Variants in SPATA2 observed in about 807,000 individuals in gnomAD.
SPATA2 encodes the protein spermatogenesis-associated protein 2.
SPATA2 carries 8 observed loss-of-function variants against 35.4 expected under a neutral mutation model. That is an observed-to-expected ratio of 0.23 (90% confidence interval 0.13 to 0.41). SPATA2 has a LOEUF of 0.41. Among genes scored for constraint, SPATA2 ranks in the 10% least tolerant of loss-of-function variants. The pLI is 1.00. For synonymous variants in SPATA2, 293 were observed against 300.9 expected (o/e 0.97, Z 0.27); for missense variants, 650 against 698.7 (o/e 0.93, Z 0.79).
rs1388123003 is a variant in SPATA2, at chr20:49,906,312, C to A, written c.870G>T (p.Glu290Asp). 1.3e-6 allele frequency: 2 copies of A among 1,597,742 alleles called. No individual in the cohort carries two copies. Among genetic ancestry groups the A allele is most frequent in the South Asian group, 1.1e-5 (1 of 88,458 alleles). ...GCAGCGAAGGGGATGGGCGGATGAT[C>A]TCATCCTTGAGGTCGTCCCCCACAT... ...ATDVGDDLKDEIIRPSPSLLT... is the reference protein window; with the variant it reads ...ATDVGDDLKDDIIRPSPSLLT... The change falls in exon 3 of 3, where the codon GAG (glutamate) becomes GAT (aspartate). Residue 290 changes from glutamate (E) to aspartate (D), a missense_variant. Transcript: ENST00000289431. This position sits in a 1 kb window ranked among gnomAD's most constrained non-coding sequence, Gnocchi z 8.2.
chr20:49,906,230 T>C lies in SPATA2; in HGVS notation c.952A>G (p.Ser318Gly). Residue 318 changes from serine (S) to glycine (G), a missense_variant, in exon 3 of 3, where the codon AGC becomes GGC. Coordinates refer to ENST00000289431, the MANE Select transcript of SPATA2 (RefSeq NM_006038.4). This position sits in a 1 kb window ranked among gnomAD's most constrained non-coding sequence, Gnocchi z 8.2. ...CCGCGCAGCAGGGCCGGGCCGTTGCTGGGGGAGGCGGGTGGAAGCACATCC... is the reference window on the plus strand; with the variant it reads ...CCGCGCAGCAGGGCCGGGCCGTTGCCGGGGGAGGCGGGTGGAAGCACATCC... ...SPDVLPPASPSNGPALLRGTY... is the reference protein window; with the variant it reads ...SPDVLPPASPGNGPALLRGTY... The C allele has an allele frequency of 6.4e-7, 1 of 1,568,756 alleles. No individual in the cohort carries two copies. Among genetic ancestry groups the C allele is most frequent in the Non-Finnish European group, 8.7e-7 (1 of 1,155,834 alleles).
rs539274691 is a variant in SPATA2, at chr20:49,904,757, G to A, written c.*862C>T. 11 of 152,732 alleles carry A rather than the reference G, an allele frequency of 7.2e-5. No individual in the cohort carries two copies. Among genetic ancestry groups the A allele is most frequent in the Middle Eastern group, 3.4e-3 (1 of 294 alleles). 9.5% of individuals were successfully genotyped at this position (152,732 alleles called of 1,614,324 possible). ...CGAATGGGCGCGAGGCCCTCCCTTG[G>A]AAGACTAAAGAACCCAGGGCATTTA... On this transcript the variant is annotated 3_prime_UTR_variant, in exon 3 of 3. Transcript: ENST00000289431.
intron 1 of SPATA2, chr20:49,913,728 T>G (rs762207148): frequency 1.3e-5 from 2 of 152,188 alleles, no homozygotes; most frequent in Non-Finnish European, 2.9e-5. Context: ...AATCTCTATA[T>G]GATGTAAGCT....
rs1196994656 is a variant in SPATA2, at chr20:49,903,860, C to T, written c.*1759G>A. On this transcript the variant is annotated 3_prime_UTR_variant, in exon 3 of 3. Transcript: ENST00000289431. ...AGTAATAAAGTTGGTTGAAATTCAG[C>T]TTAATATACACACTGTACATCTACA... 3 of 140,334 alleles carry T rather than the reference C, an allele frequency of 2.1e-5. No individual in the cohort carries two copies. The highest frequency in any genetic ancestry group is 8.2e-5 in the African/African-American group (3 of 36,712). The allele number at this position is 140,334 out of a possible 1,614,324, so 8.7% of individuals were successfully genotyped here.
chr20:49,914,392 G>A (rs1270444406), intron 1 of SPATA2, among the ~76,000 whole-genome samples: 1 of 152,054 alleles, frequency 6.6e-6, no homozygotes, highest in Non-Finnish European at 1.5e-5. Context: ...TGCACAGGCA[G>A]ACCTATTTTG....
chr20:49,905,958 G>A lies in SPATA2; in HGVS notation c.1224C>T (p.Ser408=). The change falls in exon 3 of 3, where the codon TCC becomes TCT. Residue 408 remains serine (S), a synonymous_variant. Transcript: ENST00000289431. ...CCTTGCTGGGGAAGGCGCTGGGCTT[G>A]GAAGCTGGAGGACAGGTGAGCAGGC... ...CDSLLTCPPA[S]KPSAFPSKAS... 1 of 1,609,450 alleles carries A rather than the reference G, an allele frequency of 6.2e-7. No individual in the cohort carries two copies. The highest frequency in any genetic ancestry group is 8.5e-7 in the Non-Finnish European group (1 of 1,179,876).
chr20:49,906,304 C>G lies in SPATA2; in HGVS notation c.878G>C (p.Arg293Pro). The change falls in exon 3 of 3, where the codon CGC becomes CCC. Residue 293 changes from arginine (R) to proline (P), a missense_variant. By Grantham distance (103) the Arg-to-Pro change is moderately radical. Coordinates refer to ENST00000289431, the MANE Select transcript of SPATA2 (RefSeq NM_006038.4). The surrounding 1 kb of genome is among the most constrained non-coding windows in gnomAD (Gnocchi z 8.2). ...VGDDLKDEII[R>P]PSPSLLTMAS... ...CATGGTCAGCAGCGAAGGGGATGGG[C>G]GGATGATCTCATCCTTGAGGTCGTC... is the stretch of plus-strand genomic sequence containing the variant. 1 of 1,590,356 alleles carries G rather than the reference C, an allele frequency of 6.3e-7. No homozygotes were observed. Among genetic ancestry groups the G allele is most frequent in the Non-Finnish European group, 8.6e-7 (1 of 1,167,052 alleles).
Position 49,905,424 on chromosome 20 carries a change from A to G in SPATA2, c.*195T>C, listed in dbSNP as rs1348376632. ...GTGCCACCTTCTCCCTTGTCAGACAACAAAGCAGCCATTGGTTGAGATATC... is the reference window on the plus strand; with the variant it reads ...GTGCCACCTTCTCCCTTGTCAGACAGCAAAGCAGCCATTGGTTGAGATATC... On this transcript the variant is annotated 3_prime_UTR_variant, in exon 3 of 3. Coordinates refer to ENST00000289431, the MANE Select transcript of SPATA2 (RefSeq NM_006038.4). 2.2e-5 allele frequency: 13 copies of G among 603,262 alleles called. No individual in the cohort carries two copies. In the African/African-American group the frequency reaches 2.2e-4, roughly 10 times the overall value. The allele number at this position is 603,262 out of a possible 1,614,324, so 37.4% of individuals were successfully genotyped here.
At chr20:49,911,700 G>A (rs6067267) in intron 1 of SPATA2, among the ~76,000 whole-genome samples, 63,994 of 151,660 alleles carry the variant, frequency 0.42, 15,547 homozygotes, top group East Asian at 0.79. Flanking sequence ...AAAGAAAAGA[G>A]AAAAAGAGAA....
chr20:49,907,654 G>A (rs1406435774), intron 2 of SPATA2, among the ~76,000 whole-genome samples: 3 of 151,546 alleles, frequency 2.0e-5, no homozygotes, highest in African/African-American at 7.2e-5. Flanking sequence ...GCTCTCCTGT[G>A]CCATCCCCCG....
At chr20:49,914,795 C>A (rs972930849) in intron 1 of SPATA2, among the ~76,000 whole-genome samples, 17 of 152,180 alleles carry the variant, frequency 1.1e-4, no homozygotes, top group African/African-American at 3.6e-4. Context: ...CCTCGGGGGG[C>A]CACGTCAGTT....
At position 49,906,157 on chromosome 20, in the gene SPATA2, TCA is replaced by T. The variant is rs780665985; in HGVS notation, c.1023_1024del (p.Glu342ThrfsTer57). 6.2e-7 allele frequency: 1 copy of T among 1,605,954 alleles called. No homozygotes were observed. The highest frequency in any genetic ancestry group is 8.5e-7 in the Non-Finnish European group (1 of 1,175,620). On this transcript the variant is annotated frameshift_variant, in exon 3 of 3. Coordinates refer to ENST00000289431, the MANE Select transcript of SPATA2 (RefSeq NM_006038.4). LOFTEE classifies it high-confidence loss of function. The surrounding 1 kb of genome is among the most constrained non-coding windows in gnomAD (Gnocchi z 8.2). ...CTGCCGACGGTAGGTGGCCCTGGGT[TCA>T]GAGTCTGTGTACAGATCCACGTCAT...
At position 49,905,527 on chromosome 20, in the gene SPATA2, C is replaced by T. The variant is rs1008343064; in HGVS notation, c.*92G>A. On this transcript the variant is annotated 3_prime_UTR_variant, in exon 3 of 3. Coordinates refer to ENST00000289431, the MANE Select transcript of SPATA2 (RefSeq NM_006038.4). ...ACCTACATGGTCAAGTGCAGGCCTC[C>T]GCCTCTGAGATCAATGCGTTAGTAC... 1.5e-5 allele frequency: 22 copies of T among 1,443,712 alleles called. No individual in the cohort carries two copies. Among genetic ancestry groups the T allele is most frequent in the South Asian group, 7.9e-5 (6 of 76,140 alleles). 89.4% of individuals were successfully genotyped at this position (1,443,712 alleles called of 1,614,324 possible).
chr20:49,915,023 TACA>T (rs1220146505), intron 1 of SPATA2, among the ~76,000 whole-genome samples: 3 of 152,094 alleles, frequency 2.0e-5, no homozygotes, highest in African/African-American at 7.2e-5. Flanking sequence ...ACACAGTGAG[TACA>T]AACCCAGGTG....
rs561862494 is a variant in SPATA2 at position 49,909,597 on chromosome 20, C to G, written c.-102-1005G>C. Among the ~76,000 whole-genome samples the G allele has an allele frequency of 7.9e-5, 12 of 151,246 alleles. No homozygotes were observed. The East Asian group carries it at 2.3e-3, about 29-fold the overall frequency. On this transcript the variant is annotated intron_variant, in intron 1 of 2. Transcript: ENST00000289431. The stretch of plus-strand genomic sequence containing the variant: ...AAACTGTCCAAGGTTATAGAACTCT[C>G]AGGAGGCAGAGAAGCTGAGCTCAGA...
intron 1 of SPATA2, chr20:49,913,422 C>A (rs1384759013): frequency 1.3e-5 from 2 of 152,186 alleles, no homozygotes; most frequent in Non-Finnish European, 2.9e-5. Context: ...TCTGTGAAAA[C>A]CAATGAAATC....
At position 49,908,599 on chromosome 20, in the gene SPATA2, G is replaced by A. The variant is rs953707068; in HGVS notation, c.-102-7C>T. On this transcript the variant is annotated splice_region_variant and splice_polypyrimidine_tract_variant and intron_variant, in intron 1 of 2. Transcript: ENST00000289431. ...CCTGGACCAGCGGAGTGCTCTGGAA[G>A]GAGGGGAACAAGAAGCATGTCATTC... The A allele has an allele frequency of 3.3e-6, 3 of 899,360 alleles. No homozygotes were observed. The highest frequency in any genetic ancestry group is 3.3e-5 in the African/African-American group (2 of 59,926). The allele number at this position is 899,360 out of a possible 1,614,324, so 55.7% of individuals were successfully genotyped here.
chr20:49,914,179 GAA>G (rs1231381983), intron 1 of SPATA2, among the ~76,000 whole-genome samples: 1 of 152,068 alleles, frequency 6.6e-6, no homozygotes, highest in Admixed American at 6.6e-5. Context: ...CAAGTCAATG[GAA>G]AAAGAGATAT....
intron 1 of SPATA2, among the ~76,000 whole-genome samples, chr20:49,909,613 T>G (rs1342650456): frequency 6.6e-6 from 1 of 151,580 alleles, no homozygotes; most frequent in Non-Finnish European, 1.5e-5. Flanking sequence ...GCAGAGAAGC[T>G]GAGCTCAGAA....
Sources: gnomAD v4.1 joint callset for allele counts (sites outside exome capture counted in the v4.1 genomes callset) on GRCh38, gnomAD v4.1.1 for gene constraint, Gnocchi (gnomAD v3.1) non-coding constraint, MANE v1.5 for transcripts, NCBI Gene and HGNC (gene_info 2026-07-23, HGNC 2026-07-21) for gene names.